Variants in EGFLAM observed in about 807,000 individuals in gnomAD.
EGFLAM encodes pikachurin.
EGFLAM carries 79 observed loss-of-function variants against 113.1 expected under a neutral mutation model. That is an observed-to-expected ratio of 0.70 (90% CI 0.58 to 0.84). The LOEUF (loss-of-function observed/expected upper bound fraction) is 0.84, where lower values mean the gene tolerates loss of function less well. Among genes scored for constraint, EGFLAM ranks in the 40% least tolerant of loss-of-function variants. The probability of loss-of-function intolerance (pLI) is 0.00; values close to 1 mark genes in which losing one functional copy is unlikely to be tolerated. For synonymous variants in EGFLAM, 504 were observed against 487.6 expected, an observed-to-expected ratio of 1.03 and a Z score of -0.44; for missense variants, 1,265 against 1,291.6, an observed-to-expected ratio of 0.98 and a Z score of 0.32.
At chr5:38,303,606 G>A (rs1758650136) in intron 1 of EGFLAM, among the ~76,000 whole-genome samples, 1 of 152,136 alleles carries the variant, frequency 6.6e-6, no homozygotes, top group African/African-American at 2.4e-5. Flanking sequence ...CTAAAGTAGT[G>A]AGCAGCCTAG....
intron 1 of EGFLAM, among the ~76,000 whole-genome samples, chr5:38,304,450 A>G (rs1041448471): frequency 2.6e-5 from 4 of 152,240 alleles, no homozygotes; most frequent in Admixed American, 2.0e-4. Context: ...TGAAAAGTAT[A>G]TATACATGGG....
At chr5:38,327,801 A>G (rs1205577512) in intron 1 of EGFLAM, among the ~76,000 whole-genome samples, 3 of 152,088 alleles carry the variant, frequency 2.0e-5, no homozygotes, top group Admixed American at 2.0e-4. Flanking sequence ...TGTCAACTGA[A>G]CCACAGACTT....
intron 1 of EGFLAM, chr5:38,286,376 T>C (rs1579727364): frequency 6.6e-6 from 1 of 152,270 alleles, no homozygotes; most frequent in East Asian, 1.9e-4. Context: ...AGAAGGAGGG[T>C]TGGAGACATG....
chr5:38,395,027 G>A (rs553113762), intron 6 of EGFLAM, among the ~76,000 whole-genome samples: 3 of 151,784 alleles, frequency 2.0e-5, no homozygotes, highest in East Asian at 2.0e-4. Context: ...TACAACCTTC[G>A]CCTCCCGGAT....
rs1442677079 is a variant in EGFLAM at position 38,385,413 on chromosome 5, A to G, written c.712+14951A>G. Among the ~76,000 whole-genome samples, 2 of 151,932 alleles carry G rather than the reference A, an allele frequency of 1.3e-5. 1 individual carries two copies. Among genetic ancestry groups the G allele is most frequent in the Admixed American group, 1.3e-4 (2 of 15,246 alleles). On this transcript the variant is annotated intron_variant, in intron 6 of 21. Coordinates refer to ENST00000322350, the MANE Select transcript of EGFLAM (RefSeq NM_152403.4). ...GTATCCTTTAAATATTTATCTCTAG[A>G]TTACTTATAATACCTAATACAATGC...
chr5:38,345,178 A>G (rs1452542120), intron 3 of EGFLAM, among the ~76,000 whole-genome samples: 1 of 152,218 alleles, frequency 6.6e-6, no homozygotes, highest in Non-Finnish European at 1.5e-5. Flanking sequence ...TGTTGCCCAC[A>G]AGGGCAGTTA....
chr5:38,358,355 A>G lies in EGFLAM; in HGVS notation c.545+6024A>G, dbSNP rs533495843. On this transcript the variant is annotated intron_variant, in intron 5 of 21. Coordinates refer to ENST00000322350, the MANE Select transcript of EGFLAM (RefSeq NM_152403.4). Reference sequence around the variant, plus strand: ...CCAGCTACTCGGGAGGCTGAGGCAGAAGAATTGTGTGAACCCGGGAGGCGG... The same window carrying G: ...CCAGCTACTCGGGAGGCTGAGGCAGGAGAATTGTGTGAACCCGGGAGGCGG... Among the ~76,000 whole-genome samples, 10 of 149,508 alleles carry G rather than the reference A, an allele frequency of 6.7e-5. No individual in the cohort carries two copies. The South Asian group carries it at 1.3e-3, about 19-fold the overall frequency.
intron 1 of EGFLAM, among the ~76,000 whole-genome samples, chr5:38,289,406 T>C (rs980766556): frequency 4.6e-5 from 7 of 152,182 alleles, no homozygotes; most frequent in Non-Finnish European, 1.0e-4. Flanking sequence ...AGCTAGATAA[T>C]GCTGCAGCAA....
In EGFLAM at chr5:38,409,078, T is replaced by C. The variant is rs754707707; in HGVS notation, c.1323T>C (p.Ala441=). Residue 441 remains alanine, a synonymous_variant, in exon 10 of 22, where the codon GCT becomes GCC. Coordinates refer to ENST00000322350, the MANE Select transcript of EGFLAM (RefSeq NM_152403.4). ...GGAGGGGGGATTTCATGTCCCTGGC[T>C]ATCATCCGACGCTCCCTGCAGTTCA... The part of the protein sequence containing the change: ...EHGRGDFMSL[A]IIRRSLQFRF... 9.1e-5 allele frequency: 145 copies of C among 1,588,490 alleles called. No homozygotes were observed. Among genetic ancestry groups the C allele is most frequent in the Non-Finnish European group, 5.6e-5 (65 of 1,165,824 alleles).
chr5:38,376,691 G>T (rs7734100), intron 6 of EGFLAM, among the ~76,000 whole-genome samples: 1 of 152,016 alleles, frequency 6.6e-6, no homozygotes, highest in Admixed American at 6.5e-5. Context: ...TCTCAGATAG[G>T]CTTCTGGTTT....
intron 1 of EGFLAM, among the ~76,000 whole-genome samples, chr5:38,278,994 T>C (rs918510233): frequency 1.3e-5 from 2 of 151,876 alleles, no homozygotes; most frequent in Non-Finnish European, 2.9e-5. Flanking sequence ...CCAAAATATA[T>C]AAGGAACTAA....
At chr5:38,424,849 C>T in intron 12 of EGFLAM, 118 bp from the exon 13 acceptor site, 1 of 1,361,116 alleles carries the variant, frequency 7.3e-7, no homozygotes, top group African/African-American at 1.5e-5. Context: ...TGCAAATCAA[C>T]AGGAGTAAGA....
intron 1 of EGFLAM, among the ~76,000 whole-genome samples, chr5:38,318,868 GA>G (rs1444426180): frequency 8.6e-5 from 13 of 151,966 alleles, no homozygotes; most frequent in Admixed American, 8.5e-4. Context: ...ACAATAACTC[GA>G]AAAAGCCACT....
At chr5:38,285,216 G>A (rs1758126655) in intron 1 of EGFLAM, among the ~76,000 whole-genome samples, 1 of 152,184 alleles carries the variant, frequency 6.6e-6, no homozygotes, top group African/African-American at 2.4e-5. Flanking sequence ...TGCAGCCCCA[G>A]TGCATGATCA....
chr5:38,374,960 G>A (rs1253310645), intron 6 of EGFLAM, among the ~76,000 whole-genome samples: 2 of 151,980 alleles, frequency 1.3e-5, no homozygotes, highest in Non-Finnish European at 2.9e-5. Context: ...TTTCTTGCTT[G>A]AGTTGACTTC....
At chr5:38,283,360 C>T (rs1295911019) in intron 1 of EGFLAM, among the ~76,000 whole-genome samples, 1 of 151,942 alleles carries the variant, frequency 6.6e-6, no homozygotes, top group Non-Finnish European at 1.5e-5. Context: ...ATGATTATAC[C>T]CTGTTGTTAT....
At chr5:38,309,712 G>A (rs936707276) in intron 1 of EGFLAM, among the ~76,000 whole-genome samples, 24 of 152,276 alleles carry the variant, frequency 1.6e-4, no homozygotes, top group African/African-American at 3.6e-4. Context: ...GCAGCTCCCC[G>A]TGTGGCTGGT....
chr5:38,362,333 C>T (rs545402501), intron 5 of EGFLAM, among the ~76,000 whole-genome samples: 2 of 152,122 alleles, frequency 1.3e-5, no homozygotes, highest in South Asian at 4.1e-4. Flanking sequence ...AGTGAACTGC[C>T]ACCGTTCTTC....
intron 1 of EGFLAM, among the ~76,000 whole-genome samples, chr5:38,259,163 A>T (rs1757438710): frequency 6.6e-6 from 1 of 152,222 alleles, no homozygotes; most frequent in Non-Finnish European, 1.5e-5. Context: ...ATTACAGAGG[A>T]TGGCAACCAT....
Sources: gnomAD v4.1 joint callset for allele counts (sites outside exome capture counted in the v4.1 genomes callset) on GRCh38, gnomAD v4.1.1 for gene constraint, MANE v1.5 for transcripts, NCBI Gene and HGNC (gene_info 2026-07-23, HGNC 2026-07-21) for gene names.